The following ARHGAP10 variants were observed in gnomAD, a reference collection of about 807,000 sequenced individuals.
ARHGAP10 encodes the protein Rho GTPase activating protein 10, also known as rho GTPase-activating protein 10.
In ARHGAP10, 87 loss-of-function variants were observed where a neutral mutation model predicts 108.6. That is an observed-to-expected ratio of 0.80 (90% confidence interval 0.67 to 0.96). ARHGAP10 has a LOEUF of 0.96. Ranked by LOEUF, ARHGAP10 falls within the 40% of genes least tolerant of loss-of-function variation. The probability of loss-of-function intolerance (pLI) is 0.00; values close to 1 mark genes in which losing one functional copy is unlikely to be tolerated. For synonymous variants in ARHGAP10, 347 were observed against 341.1 expected (o/e 1.02, Z -0.19); for missense variants, 939 against 954.5 (o/e 0.98, Z 0.21).
chr4:147,804,755 T>C (rs190973611), intron 1 of ARHGAP10, among the ~76,000 whole-genome samples: 161 of 152,300 alleles, frequency 1.1e-3, no homozygotes, highest in African/African-American at 3.4e-3. Flanking sequence ...AGCTTTTTTT[T>C]ATATGATTGT....
intron 1 of ARHGAP10, among the ~76,000 whole-genome samples, chr4:147,761,547 A>T (rs1347264893): frequency 6.6e-6 from 1 of 152,148 alleles, no homozygotes; most frequent in African/African-American, 2.4e-5. Flanking sequence ...TTGATATTTG[A>T]ATTTATCTCT....
chr4:147,796,860 G>A (rs1276237295), intron 1 of ARHGAP10, among the ~76,000 whole-genome samples: 2 of 152,166 alleles, frequency 1.3e-5, no homozygotes, highest in Non-Finnish European at 2.9e-5. Flanking sequence ...ACTGGCCATA[G>A]TTATAACATT....
At chr4:148,021,385 C>T (rs1741562228) in intron 18 of ARHGAP10, among the ~76,000 whole-genome samples, 1 of 152,202 alleles carries the variant, frequency 6.6e-6, no homozygotes, top group Admixed American at 6.5e-5. Flanking sequence ...GGAAGGTTTT[C>T]ATCTGTCCAT....
rs1344506762 is a variant in ARHGAP10, at chr4:148,023,387, A to G, written c.1841A>G (p.Tyr614Cys). 3 of 1,613,814 alleles carry G rather than the reference A, an allele frequency of 1.9e-6. No individual in the cohort carries two copies. Among genetic ancestry groups the G allele is most frequent in the South Asian group, 1.1e-5 (1 of 91,022 alleles). The change falls in exon 19 of 23, where the codon TAC (tyrosine) becomes TGC (cysteine). Residue 614 changes from tyrosine (Y) to cysteine (C), a missense_variant. Transcript: ENST00000336498. ...AGAACCAAGAGGCCCGTGGCCGTCT[A>G]CAATCTTTGTCTGGAGCTGGAAGAT... is the stretch of plus-strand genomic sequence containing the variant. ...GQRTKRPVAV[Y>C]NLCLELEDGD...
intron 3 of ARHGAP10, 130 bp downstream of exon 3, chr4:147,823,087 A>G (rs984497444): frequency 4.4e-5 from 43 of 979,052 alleles, no homozygotes; most frequent in Middle Eastern, 3.2e-4. Context: ...TAATGGAAAG[A>G]TGAGGTTTCC....
intron 1 of ARHGAP10, among the ~76,000 whole-genome samples, chr4:147,788,191 A>G (rs1466841054): frequency 6.6e-6 from 1 of 152,100 alleles, no homozygotes; most frequent in Non-Finnish European, 1.5e-5. Context: ...TTGCACGTGT[A>G]ATCCCAGCAC....
chr4:148,015,974 GC>G (rs1741329674), intron 18 of ARHGAP10, among the ~76,000 whole-genome samples: 1 of 152,164 alleles, frequency 6.6e-6, no homozygotes, highest in East Asian at 1.9e-4. Flanking sequence ...TGTGAATGGG[GC>G]TTGGTATGAC....
chr4:147,857,778 A>T, intron 5 of ARHGAP10, 124 bp downstream of exon 5: 1 of 839,568 alleles, frequency 1.2e-6, no homozygotes, highest in South Asian at 3.6e-5. Context: ...AAAAGTGAAC[A>T]GGTATTGTCA....
chr4:147,781,508 A>G (rs192310785), intron 1 of ARHGAP10, among the ~76,000 whole-genome samples: 42 of 152,270 alleles, frequency 2.8e-4, no homozygotes, highest in African/African-American at 8.7e-4. Flanking sequence ...CAAGACCCTC[A>G]ACTATGTTCA....
chr4:147,838,921 C>G (rs1392135782), intron 3 of ARHGAP10, among the ~76,000 whole-genome samples: 2 of 152,122 alleles, frequency 1.3e-5, no homozygotes, highest in Non-Finnish European at 2.9e-5. Context: ...GTATCTGAAA[C>G]TAAATGTGAT....
At chr4:147,895,391 G>A (rs1331696874) in intron 10 of ARHGAP10, among the ~76,000 whole-genome samples, 1 of 151,554 alleles carries the variant, frequency 6.6e-6, no homozygotes, top group Non-Finnish European at 1.5e-5. Context: ...CAGCCTTAGG[G>A]CCAGGCATGG....
intron 18 of ARHGAP10, among the ~76,000 whole-genome samples, chr4:147,986,033 T>C (rs1455791369): frequency 6.6e-6 from 1 of 152,204 alleles, no homozygotes; most frequent in African/African-American, 2.4e-5. Context: ...GAATTAAAGC[T>C]CACAGGGTTT....
At chr4:147,818,879 T>G (rs1400732279) in intron 1 of ARHGAP10, among the ~76,000 whole-genome samples, 1 of 152,210 alleles carries the variant, frequency 6.6e-6, no homozygotes, top group Non-Finnish European at 1.5e-5. Flanking sequence ...GAATATGGTG[T>G]GGTCAGATTT....
chr4:147,854,270 T>C (rs539009600), intron 4 of ARHGAP10, among the ~76,000 whole-genome samples: 1 of 152,320 alleles, frequency 6.6e-6, no homozygotes, highest in South Asian at 2.1e-4. Context: ...TAAAAATCAT[T>C]GGATTTTTCA....
chr4:147,802,994 T>C (rs1731642375), intron 1 of ARHGAP10, among the ~76,000 whole-genome samples: 1 of 150,060 alleles, frequency 6.7e-6, no homozygotes, highest in African/African-American at 2.5e-5. Context: ...TCCACTTTTT[T>C]TCCCTTAGTT....
intron 1 of ARHGAP10, among the ~76,000 whole-genome samples, chr4:147,795,700 A>ATT (rs112329446): frequency 7.0e-6 from 1 of 142,812 alleles, no homozygotes; most frequent in Non-Finnish European, 1.5e-5. Context: ...ATTTAATTTA[A>ATT]TTTTTTTTTT....
chr4:147,803,542 G>A (rs1731663612), intron 1 of ARHGAP10, among the ~76,000 whole-genome samples: 1 of 152,252 alleles, frequency 6.6e-6, no homozygotes, highest in Middle Eastern at 3.4e-3. Context: ...TATTCCTTCT[G>A]TCTAACTCTG....
At chr4:147,947,853 G>C (rs1738444889) in intron 15 of ARHGAP10, among the ~76,000 whole-genome samples, 1 of 151,854 alleles carries the variant, frequency 6.6e-6, no homozygotes. Context: ...TGAGAGTTTA[G>C]TGTAATGAAC....
intron 1 of ARHGAP10, among the ~76,000 whole-genome samples, chr4:147,756,939 G>A (rs1272421651): frequency 6.6e-6 from 1 of 151,754 alleles, no homozygotes; most frequent in Non-Finnish European, 1.5e-5. Context: ...TGAATGCCTG[G>A]TATAATGGAA....
Sources: allele counts gnomAD v4.1 joint callset (sites outside exome capture counted in the v4.1 genomes callset), GRCh38; gene constraint gnomAD v4.1.1; transcripts MANE v1.5; gene names NCBI Gene and HGNC (gene_info 2026-07-23, HGNC 2026-07-21).